The following ADCY7 variants were observed in gnomAD, a reference collection of about 807,000 sequenced individuals.
ADCY7 encodes adenylate cyclase type 7.
In ADCY7, 72 loss-of-function variants were observed where a neutral mutation model predicts 120.6. The ratio of observed to expected loss-of-function variants is 0.60; its 90% CI spans 0.49 to 0.73. The LOEUF (loss-of-function observed/expected upper bound fraction) is 0.73. Ranked by LOEUF, ADCY7 falls within the 30% of genes least tolerant of loss-of-function variation. ADCY7 has a pLI of 0.00. For missense variants in ADCY7, 1,227 were observed against 1,486.0 expected, an observed-to-expected ratio of 0.83 and a Z score of 2.87; for synonymous variants, 661 against 628.0, an observed-to-expected ratio of 1.05 and a Z score of -0.78.
chr16:50,313,774 G>A (rs879232878), intron 22 of ADCY7, 184 bp from the exon 23 acceptor site: 8 of 585,194 alleles, frequency 1.4e-5, no homozygotes, highest in African/African-American at 1.3e-4. Context: ...GGAAGAGCAG[G>A]AGCCGCCAAG....
chr16:50,290,549 C>T lies in ADCY7; in HGVS notation c.264C>T (p.Leu88=). ...ALSVLMYVEC[L]LRRWLRALAL... ...CTGTGCTGATGTACGTCGAGTGTCTCCTGCGGCGCTGGCTCAGGGCCTTGG... is the reference window on the plus strand; with the variant it reads ...CTGTGCTGATGTACGTCGAGTGTCTTCTGCGGCGCTGGCTCAGGGCCTTGG... Residue 88 remains leucine (L), a synonymous_variant, in exon 3 of 26, where the codon CTC becomes CTT. Coordinates refer to ENST00000673801, the MANE Select transcript of ADCY7 (RefSeq NM_001114.5). 19 of 1,614,214 alleles carry T rather than the reference C, an allele frequency of 1.2e-5. No homozygotes were observed. The highest frequency in any genetic ancestry group is 1.5e-5 in the Non-Finnish European group (18 of 1,180,052).
chr16:50,309,567 T>C lies in ADCY7; in HGVS notation c.2081T>C (p.Val694Ala). 1 of 1,613,970 alleles carries C rather than the reference T, an allele frequency of 6.2e-7. No homozygotes were observed. Among genetic ancestry groups the C allele is most frequent in the Non-Finnish European group, 8.5e-7 (1 of 1,179,978 alleles). ...CTACAGCCCCTGATGCCTTTCCAAGTTCCAGAGCTGCCTGTTGGCAATGAG... is the reference window on the plus strand; with the variant it reads ...CTACAGCCCCTGATGCCTTTCCAAGCTCCAGAGCTGCCTGTTGGCAATGAG... Reference protein sequence around the residue: ...IINLPLMPFQVPELPVGNETG... With the variant: ...IINLPLMPFQAPELPVGNETG... Residue 694 changes from valine (V) to alanine (A), a missense_variant, in exon 18 of 26, where the codon GTT becomes GCT. Val to Ala is a moderately conservative substitution (Grantham distance 64, BLOSUM62 0). Around this residue, in one of 5 missense-constraint regions of ADCY7, gnomAD observed 267 missense variants for 270.0 expected, o/e 0.99. Transcript: ENST00000673801.
At chr16:50,251,196 C>T (rs897385529) in intron 1 of ADCY7, among the ~76,000 whole-genome samples, 4 of 151,716 alleles carry the variant, frequency 2.6e-5, no homozygotes, top group South Asian at 4.2e-4. Context: ...GCTATGATCA[C>T]TCTACTGCCC....
At chr16:50,299,496 G>A (rs763597110) in intron 8 of ADCY7, among the ~76,000 whole-genome samples, 10 of 152,276 alleles carry the variant, frequency 6.6e-5, no homozygotes, top group Admixed American at 2.0e-4. Context: ...GTGGCTCTGA[G>A]CAGCTGGGGT....
In ADCY7 at chr16:50,312,904, G is replaced by C. The variant is rs1342137565; in HGVS notation, c.2619G>C (p.Gln873His). 20 of 1,614,064 alleles carry C rather than the reference G, an allele frequency of 1.2e-5. No individual in the cohort carries two copies. The highest frequency in any genetic ancestry group is 1.4e-5 in the Non-Finnish European group (17 of 1,180,030). ...TTCCCATCCAGGACTGGTACCATCA[G>C]TCCTATGACTGCGTCTGTGTCATGT... Reference protein sequence around the residue: ...GDKLNEDWYHQSYDCVCVMFA... With the variant: ...GDKLNEDWYHHSYDCVCVMFA... Residue 873 changes from glutamine (Q) to histidine (H), a missense_variant, in exon 22 of 26, where the codon CAG (glutamine) becomes CAC (histidine). This residue lies in a region of ADCY7 where 244 missense variants were observed against 332.8 expected (regional missense o/e 0.73). Transcript: ENST00000673801.
At chr16:50,263,832 C>T (rs1048337494), upstream of ADCY7, among the ~76,000 whole-genome samples, 3 of 152,052 alleles carry the variant, frequency 2.0e-5, no homozygotes, top group Non-Finnish European at 2.9e-5. Context: ...ATCTCCACGC[C>T]GCGCTTTCCT....
chr16:50,308,467 C>T, intron 16 of ADCY7, 56 bp downstream of exon 16: 3 of 1,608,436 alleles, frequency 1.9e-6, no homozygotes, highest in East Asian at 4.5e-5. Context: ...GGACACCTGC[C>T]TAGGAGCCCT....
At chr16:50,309,304 C>A in intron 17 of ADCY7, 1 of 494,402 alleles carries the variant, frequency 2.0e-6, no homozygotes, top group Non-Finnish European at 3.6e-6. Flanking sequence ...TGGTCCCGGC[C>A]CCTCCCCCTG....
intron 7 of ADCY7, 25 bp from the exon 8 acceptor site, chr16:50,298,879 A>T: frequency 6.2e-7 from 1 of 1,607,274 alleles, no homozygotes; most frequent in East Asian, 2.2e-5. Context: ...TCTTCCAGTG[A>T]CCAGGCCCTT....
intron 1 of ADCY7, among the ~76,000 whole-genome samples, chr16:50,286,207 A>G (rs2034569167): frequency 6.6e-6 from 1 of 151,620 alleles, no homozygotes; most frequent in Non-Finnish European, 1.5e-5. Context: ...AGCCTGGGCA[A>G]CATGGCAAAA....
At chr16:50,290,291 G>C (rs1441357601) in intron 2 of ADCY7, among the ~76,000 whole-genome samples, 166 bp from the exon 3 acceptor site, 1 of 152,210 alleles carries the variant, frequency 6.6e-6, no homozygotes, top group Non-Finnish European at 1.5e-5. Context: ...CCTTGGCAGA[G>C]GTGACAAAGG....
intron 1 of ADCY7, among the ~76,000 whole-genome samples, chr16:50,284,019 G>A (rs1309743185): frequency 1.6e-4 from 24 of 152,196 alleles, no homozygotes; most frequent in Admixed American, 1.6e-3. Context: ...CTTGTGGGGA[G>A]GCCCTCCCTG....
chr16:50,298,432 C>T (rs2035498025), intron 7 of ADCY7, among the ~76,000 whole-genome samples: 1 of 152,192 alleles, frequency 6.6e-6, no homozygotes, highest in East Asian at 1.9e-4. Flanking sequence ...AACATCACTT[C>T]CCTCCTGTGC....
At chr16:50,266,353 A>G (rs753673298), upstream of ADCY7, among the ~76,000 whole-genome samples, 3 of 152,142 alleles carry the variant, frequency 2.0e-5, no homozygotes, top group Non-Finnish European at 4.4e-5. Flanking sequence ...TTCAAGCTTC[A>G]AATTTCCATG....
At chr16:50,309,204 C>T (rs1004758183) in intron 17 of ADCY7, 3 of 340,938 alleles carry the variant, frequency 8.8e-6, no homozygotes, top group Non-Finnish European at 1.6e-5. Flanking sequence ...GCTAGGGCCT[C>T]TCCCTCACCT....
At position 50,249,754 on chromosome 16, in the gene ADCY7, T is replaced by C. The variant is rs576880660; in HGVS notation, c.-64+3551T>C. Among the ~76,000 whole-genome samples, 8 of 152,286 alleles carry C rather than the reference T, an allele frequency of 5.3e-5. No homozygotes were observed. In the East Asian group the frequency reaches 1.5e-3, roughly 29 times the overall value. On this transcript the variant is annotated intron_variant, in intron 1 of 4. Transcript: ENST00000564044. ...CTCTGGAAATGGCTATGTGGGGCCC[T>C]GCTGGGGGAGGTGGTGGGCATCTGG...
At chr16:50,302,753 C>A (rs2035813371) in intron 10 of ADCY7, among the ~76,000 whole-genome samples, 1 of 152,184 alleles carries the variant, frequency 6.6e-6, no homozygotes, top group Admixed American at 6.5e-5. Flanking sequence ...AACTGCGAGT[C>A]CCCCCACCCT....
At chr16:50,258,262 C>T (rs2032971071) in intron 1 of ADCY7, among the ~76,000 whole-genome samples, 1 of 152,066 alleles carries the variant, frequency 6.6e-6, no homozygotes, top group Non-Finnish European at 1.5e-5. Context: ...AATCAGGATC[C>T]GAATGAGGTC....
intron 1 of ADCY7, among the ~76,000 whole-genome samples, chr16:50,248,506 G>A (rs890249105): frequency 6.6e-6 from 1 of 152,250 alleles, no homozygotes; most frequent in Non-Finnish European, 1.5e-5. Flanking sequence ...CTGCAGGCAG[G>A]CTAGGCTGTG....
Sources: allele counts gnomAD v4.1 joint callset (sites outside exome capture counted in the v4.1 genomes callset), GRCh38; gene constraint gnomAD v4.1.1; regional missense constraint gnomAD v4.1.1; transcripts MANE v1.5; gene names NCBI Gene and HGNC (gene_info 2026-07-23, HGNC 2026-07-21).